The following U2SURP variants were observed in gnomAD, a reference collection of about 807,000 sequenced individuals.
U2SURP encodes U2 snRNP-associated SURP motif-containing protein.
In U2SURP, 9 loss-of-function variants were observed where a neutral mutation model predicts 144.9. The ratio of observed to expected loss-of-function variants is 0.06; its 90% CI spans 0.04 to 0.11. U2SURP has a LOEUF of 0.11. Among genes scored for constraint, U2SURP ranks in the 10% least tolerant of loss-of-function variants. The pLI, the probability that U2SURP is intolerant of heterozygous loss-of-function variation, is 1.00. For synonymous variants in U2SURP, 408 were observed against 396.8 expected, an observed-to-expected ratio of 1.03 and a Z score of -0.33; for missense variants, 724 against 1,226.7, an observed-to-expected ratio of 0.59 and a Z score of 6.12.
At chr3:143,043,954 C>T (rs143537292) in intron 24 of U2SURP, among the ~76,000 whole-genome samples, 19 of 151,838 alleles carry the variant, frequency 1.3e-4, no homozygotes, top group African/African-American at 3.4e-4. Flanking sequence ...AGGGATTGAC[C>T]GTGTTAGCCA....
intron 6 of U2SURP, among the ~76,000 whole-genome samples, chr3:143,019,129 G>A (rs1414777526): frequency 6.6e-6 from 1 of 151,996 alleles, no homozygotes; most frequent in Non-Finnish European, 1.5e-5. Context: ...TTTTAATTGG[G>A]TTATTTGTAT....
In U2SURP at chr3:143,021,375, A is replaced by G; in HGVS notation, c.759A>G (p.Arg253=). The change falls in exon 9 of 28, where the codon AGA becomes AGG. Residue 253 remains arginine (R), a synonymous_variant. Coordinates refer to ENST00000473835, the MANE Select transcript of U2SURP (RefSeq NM_001080415.2). ...RSMDAPSRRN[R]SSGVLDDYAP... ...TGGACGCGCCTTCAAGAAGAAATAG[A>G]TCATCTGGTGGTAATACAGTTTTTT... The G allele has an allele frequency of 6.2e-7, 1 of 1,602,832 alleles. No individual in the cohort carries two copies. Among genetic ancestry groups the G allele is most frequent in the Non-Finnish European group, 8.5e-7 (1 of 1,173,676 alleles).
intron 2 of U2SURP, chr3:143,011,925 A>T (rs1196550887): frequency 1.9e-6 from 1 of 513,982 alleles, no homozygotes; most frequent in South Asian, 1.5e-5. Flanking sequence ...ACTATGGTGA[A>T]TCAGACTTGG....
intron 4 of U2SURP, 137 bp from the exon 5 acceptor site, chr3:143,016,120 T>G: frequency 1.7e-6 from 1 of 601,446 alleles, no homozygotes; most frequent in Non-Finnish European, 2.9e-6. Context: ...CTTCTAAAGA[T>G]TAGACGTTAT....
At chr3:143,004,147 C>T (rs1049083424) in intron 1 of U2SURP, among the ~76,000 whole-genome samples, 1 of 152,246 alleles carries the variant, frequency 6.6e-6, no homozygotes, top group African/African-American at 2.4e-5. Flanking sequence ...TTTTACAATA[C>T]AGATGGAGTG....
At position 143,003,774 on chromosome 3, in the gene U2SURP, C is replaced by T. The variant is rs907387966; in HGVS notation, c.45+2101C>T. Reference sequence around the variant, plus strand: ...TGGCACAATCTCGGCTCATTGCAACCTCCGCCTCCCGGGTTCAAGTGATTC... The same window carrying T: ...TGGCACAATCTCGGCTCATTGCAACTTCCGCCTCCCGGGTTCAAGTGATTC... On this transcript the variant is annotated intron_variant, in intron 1 of 27. Transcript: ENST00000473835. Among the ~76,000 whole-genome samples the T allele has an allele frequency of 1.1e-4, 16 of 143,872 alleles. No homozygotes were observed. The East Asian group carries it at 3.4e-3, about 31-fold the overall frequency. 94.4% of individuals were successfully genotyped at this position (143,872 alleles called of 152,430 possible). A position where few individuals can be genotyped will look rare whatever the true frequency, so the allele number is the denominator to read the frequency against.
chr3:143,018,355 G>A (rs561372664), intron 6 of U2SURP, among the ~76,000 whole-genome samples: 5 of 152,084 alleles, frequency 3.3e-5, no homozygotes, highest in Admixed American at 6.5e-5. Flanking sequence ...GTGCATCTTT[G>A]TTGTGGCATG....
chr3:143,024,282 T>C (rs73157687), intron 13 of U2SURP, among the ~76,000 whole-genome samples: 4,708 of 152,280 alleles, frequency 0.031, 102 homozygotes, highest in Non-Finnish European at 0.047. Flanking sequence ...AGCTCTGATT[T>C]GGAGTCAGAC....
intron 24 of U2SURP, among the ~76,000 whole-genome samples, chr3:143,046,284 T>C (rs1482041803): frequency 1.8e-5 from 2 of 108,678 alleles, no homozygotes; most frequent in Admixed American, 1.9e-4. Context: ...TTTTTTTTTT[T>C]AGTTTATTTT....
intron 14 of U2SURP, 65 bp from the exon 15 acceptor site, chr3:143,028,269 TTATTTA>T: frequency 6.9e-7 from 1 of 1,453,252 alleles, no homozygotes; most frequent in African/African-American, 1.4e-5. Flanking sequence ...TATTTCTCAT[TTATTTA>T]TATTTAATTG....
At chr3:143,055,403 G>C (rs1158256910) in intron 27 of U2SURP, among the ~76,000 whole-genome samples, 1 of 151,872 alleles carries the variant, frequency 6.6e-6, no homozygotes, top group Non-Finnish European at 1.5e-5. Context: ...TTTTCGTTCT[G>C]TTCTTTAGTT....
chr3:143,028,660 CCTTT>C lies in U2SURP; in HGVS notation c.1610+17_1610+20del, dbSNP rs752371135. On this transcript the variant is annotated intron_variant, in intron 16 of 27. Transcript: ENST00000473835. ...ACTTAAGGAAGAGTAAGATATTTTTCCTTTCTATTATATATTCAGAAAAGTAACT... is the reference window on the plus strand; with the variant it reads ...ACTTAAGGAAGAGTAAGATATTTTTCCTATTATATATTCAGAAAAGTAACT... 6 of 1,580,858 alleles carry C rather than the reference CCTTT, an allele frequency of 3.8e-6. No individual in the cohort carries two copies. In the African/African-American group the frequency reaches 6.9e-5, roughly 18 times the overall value.
rs1429225007 is a variant in U2SURP, at chr3:143,056,328, A to G, written c.2968A>G (p.Arg990Gly). The change falls in exon 28 of 28, where the codon AGG (arginine) becomes GGG (glycine). Residue 990 changes from arginine (R) to glycine (G), a missense_variant. Arg to Gly is a moderately radical substitution (Grantham distance 125). Transcript: ENST00000473835. The part of the protein sequence containing the change: ...KKAKRSPSGS[R>G]TPKRSRRSRS... ...TTTCCTTAGATCACCATCTGGTTCA[A>G]GGACACCTAAAAGGTCTAGGCGATC... The G allele has an allele frequency of 6.2e-7, 1 of 1,607,218 alleles. No individual in the cohort carries two copies. Among genetic ancestry groups the G allele is most frequent in the East Asian group, 2.2e-5 (1 of 44,764 alleles).
At chr3:143,039,468 C>T (rs911931937) in intron 23 of U2SURP, among the ~76,000 whole-genome samples, 6 of 151,754 alleles carry the variant, frequency 4.0e-5, no homozygotes, top group African/African-American at 1.4e-4. Flanking sequence ...TTGGTAATCA[C>T]CCCAAAATTG....
At position 143,020,686 on chromosome 3, in the gene U2SURP, T is replaced by C. The variant is rs767999565; in HGVS notation, c.726T>C (p.Arg242=). Residue 242 remains arginine, a synonymous_variant, in exon 8 of 28, where the codon CGT becomes CGC. Transcript: ENST00000473835. Reference sequence around the variant, plus strand: ...CTCAGTCAGATTCTGATGGTCAGCGTCGTTCTAGTAAGTGGCATTTATTTT... The same window carrying C: ...CTCAGTCAGATTCTGATGGTCAGCGCCGTTCTAGTAAGTGGCATTTATTTT... ...EPPQSDSDGQ[R]RSMDAPSRRN... 1.6e-5 allele frequency: 26 copies of C among 1,612,054 alleles called. 1 individual carries two copies. The Middle Eastern group carries it at 6.6e-4, about 41-fold the overall frequency.
intron 10 of U2SURP, among the ~76,000 whole-genome samples, chr3:143,022,064 G>T (rs1469169208): frequency 6.6e-6 from 1 of 152,176 alleles, no homozygotes; most frequent in Non-Finnish European, 1.5e-5. Flanking sequence ...ATGGGTAGTT[G>T]ATTGTTAGAA....
Position 143,056,584 on chromosome 3 carries a change from G to T in U2SURP, c.*134G>T. ...TTTTTGTTTGTTTGTGTATGCATGT[G>T]TAAACTCATGAGCAACTGCATCTGT... On this transcript the variant is annotated 3_prime_UTR_variant, in exon 28 of 28. Transcript: ENST00000473835. The T allele has an allele frequency of 1.0e-6, 1 of 992,628 alleles. No individual in the cohort carries two copies. 61.5% of individuals were successfully genotyped at this position (992,628 alleles called of 1,614,324 possible).
At chr3:143,034,335 C>T (rs1015721576) in intron 18 of U2SURP, among the ~76,000 whole-genome samples, 4 of 151,804 alleles carry the variant, frequency 2.6e-5, no homozygotes, top group African/African-American at 9.7e-5. Flanking sequence ...ACCCGGGAGG[C>T]GGAGGTTGCA....
chr3:143,036,000 T>G lies in U2SURP; in HGVS notation c.1960T>G (p.Phe654Val). ...ENFKQRVMTC[F>V]RAWEDWAIYP... is the part of the protein sequence containing the mutation. ...TCTTTAGCAACGGGTAATGACTTGC[T>G]TCAGAGCATGGGAAGATTGGGCAAT... Residue 654 changes from phenylalanine to valine, a missense_variant, in exon 20 of 28, where the codon TTC (phenylalanine) becomes GTC (valine). By Grantham distance (50) the Phe-to-Val change is conservative. Coordinates refer to ENST00000473835, the MANE Select transcript of U2SURP (RefSeq NM_001080415.2). The G allele has an allele frequency of 6.2e-7, 1 of 1,607,052 alleles. No homozygotes were observed. The highest frequency in any genetic ancestry group is 8.5e-7 in the Non-Finnish European group (1 of 1,177,750).
Sources: allele counts gnomAD v4.1 joint callset (sites outside exome capture counted in the v4.1 genomes callset), GRCh38; gene constraint gnomAD v4.1.1; transcripts MANE v1.5; gene names NCBI Gene and HGNC (gene_info 2026-07-23, HGNC 2026-07-21).